The following KIAA1958 variants were observed in gnomAD, a reference collection of about 807,000 sequenced individuals.
The protein encoded by KIAA1958 is uncharacterized protein KIAA1958.
KIAA1958 carries 14 observed loss-of-function variants against 47.2 expected under a neutral mutation model. The observed-to-expected ratio is 0.30, with a 90% CI of 0.20 to 0.46. The LOEUF (loss-of-function observed/expected upper bound fraction) is 0.46. KIAA1958 is among the 20% of genes least tolerant of loss of function. KIAA1958 has a pLI of 1.00. For synonymous variants in KIAA1958, 354 were observed against 353.3 expected (o/e 1.00, Z -0.02); for missense variants, 803 against 909.2 (o/e 0.88, Z 1.50).
At chr9:112,604,158 A>G (rs1474916950) in intron 2 of KIAA1958, among the ~76,000 whole-genome samples, 2 of 152,236 alleles carry the variant, frequency 1.3e-5, no homozygotes, top group Non-Finnish European at 2.9e-5. Flanking sequence ...AAATGAGAAC[A>G]TAAGATACTG....
intron 1 of KIAA1958, among the ~76,000 whole-genome samples, chr9:112,493,858 A>T (rs1353143863): frequency 6.6e-6 from 1 of 152,142 alleles, no homozygotes; most frequent in East Asian, 1.9e-4. Flanking sequence ...CTCTTGCAGG[A>T]GTTGGCAAAC....
Position 112,493,012 on chromosome 9 carries a change from A to G in KIAA1958, c.-25+5894A>G, listed in dbSNP as rs554429201. 4.2e-5 allele frequency among the ~76,000 whole-genome samples: 6 copies of G among 144,364 alleles called. No individual in the cohort carries two copies. In the Admixed American group the frequency reaches 4.5e-4, roughly 11 times the overall value. 94.7% of individuals were successfully genotyped at this position (144,364 alleles called of 152,430 possible). A position where few individuals can be genotyped will look rare whatever the true frequency, so the allele number is the denominator to read the frequency against. ...TGATATCCTCCTATCTGGGCCTCCC[A>G]AAGTGCTGGGATTACAGGCCTGAGC... On this transcript the variant is annotated intron_variant, in intron 1 of 3. Transcript: ENST00000337530.
At chr9:112,565,820 A>C (rs1340763423) in intron 1 of KIAA1958, among the ~76,000 whole-genome samples, 1 of 152,224 alleles carries the variant, frequency 6.6e-6, no homozygotes, top group Non-Finnish European at 1.5e-5. Context: ...TATGGTACTC[A>C]AAGTTTAAGA....
At chr9:112,636,561 C>T (rs1172429373) in intron 2 of KIAA1958, among the ~76,000 whole-genome samples, 3 of 152,062 alleles carry the variant, frequency 2.0e-5, no homozygotes, top group Non-Finnish European at 4.4e-5. Flanking sequence ...GCATTGTTAT[C>T]AGATCCATAC....
chr9:112,524,842 A>T (rs3849134), intron 1 of KIAA1958, among the ~76,000 whole-genome samples: 1 of 152,186 alleles, frequency 6.6e-6, no homozygotes, highest in Non-Finnish European at 1.5e-5. Flanking sequence ...TTGCTGGTTC[A>T]CAGCGCCCTG....
intron 2 of KIAA1958, among the ~76,000 whole-genome samples, chr9:112,610,917 G>T (rs62575196): frequency 6.6e-6 from 1 of 152,008 alleles, no homozygotes; most frequent in South Asian, 2.1e-4. Context: ...ATTCATAACA[G>T]ACATTAAATA....
chr9:112,575,190 T>G lies in KIAA1958; in HGVS notation c.1110T>G (p.Ser370Arg). 6.3e-7 allele frequency: 1 copy of G among 1,588,612 alleles called. No homozygotes were observed. The highest frequency in any genetic ancestry group is 8.5e-7 in the Non-Finnish European group (1 of 1,174,590). Residue 370 changes from serine (S) to arginine (R), a missense_variant, in exon 2 of 4, where the codon AGT (serine) becomes AGG (arginine). Ser to Arg is a moderately radical substitution (Grantham distance 110). This residue lies in a region of KIAA1958 where 761 missense variants were observed against 829.3 expected (regional missense o/e 0.92). Transcript: ENST00000337530. The part of the protein sequence containing the change: ...SVNTEPEVSS[S>R]QQQPPVAPAI... Reference sequence around the variant, plus strand: ...ACACAGAGCCAGAAGTGAGCTCCAGTCAGCAGCAGCCCCCAGTCGCTCCAG... The same window carrying G: ...ACACAGAGCCAGAAGTGAGCTCCAGGCAGCAGCAGCCCCCAGTCGCTCCAG...
chr9:112,578,757 A>G (rs1025576777), intron 2 of KIAA1958, among the ~76,000 whole-genome samples: 2 of 152,164 alleles, frequency 1.3e-5, no homozygotes, highest in African/African-American at 4.8e-5. Flanking sequence ...TATTATTAGA[A>G]GAATTATTGA....
Position 112,618,917 on chromosome 9 carries a change from C to T in KIAA1958, c.1172-26733C>T, listed in dbSNP as rs761322802. On this transcript the variant is annotated intron_variant, in intron 2 of 3. Transcript: ENST00000337530. This position sits in a 1 kb window ranked among gnomAD's most constrained non-coding sequence, Gnocchi z 7.1. ...TGACTCTTCCTCAGACACCGCTTGACCAGGTGGCTTGAGCAAGACTCCAGT... is the reference window on the plus strand; with the variant it reads ...TGACTCTTCCTCAGACACCGCTTGATCAGGTGGCTTGAGCAAGACTCCAGT... The T allele has an allele frequency of 7.9e-6, 12 of 1,522,866 alleles. No individual in the cohort carries two copies. In the South Asian group the frequency reaches 1.4e-4, roughly 17 times the overall value. 94.3% of individuals were successfully genotyped at this position (1,522,866 alleles called of 1,614,324 possible).
At position 112,574,190 on chromosome 9, in the gene KIAA1958, C is replaced by T; in HGVS notation, c.110C>T (p.Ser37Phe). Residue 37 changes from serine (S) to phenylalanine (F), a missense_variant, in exon 2 of 4, where the codon TCT (serine) becomes TTT (phenylalanine). Transcript: ENST00000337530. ...SLIPNLKHLL[S>F]EGSHGNLTAM... is the part of the protein sequence containing the mutation. The stretch of plus-strand genomic sequence containing the variant: ...ATTCCAAACCTGAAACACTTGCTTT[C>T]TGAAGGTTCCCATGGGAACCTGACA... 6.2e-7 allele frequency: 1 copy of T among 1,614,146 alleles called. No individual in the cohort carries two copies. The highest frequency in any genetic ancestry group is 1.3e-5 in the African/African-American group (1 of 75,046).
chr9:112,589,045 G>T (rs772311942), intron 2 of KIAA1958, among the ~76,000 whole-genome samples: 3 of 151,974 alleles, frequency 2.0e-5, no homozygotes, highest in Non-Finnish European at 2.9e-5. Flanking sequence ...CTCCCAGAGC[G>T]CTAGGTTTAC....
intron 1 of KIAA1958, among the ~76,000 whole-genome samples, chr9:112,492,734 G>A (rs1833989697): frequency 6.6e-6 from 1 of 151,914 alleles, no homozygotes; most frequent in African/African-American, 2.4e-5. Flanking sequence ...TATTTTTAAT[G>A]ACTTAAAGTA....
At chr9:112,496,573 C>A (rs1473667232) in intron 1 of KIAA1958, among the ~76,000 whole-genome samples, 1 of 152,122 alleles carries the variant, frequency 6.6e-6, no homozygotes, top group Non-Finnish European at 1.5e-5. Context: ...TATGTTTCAA[C>A]ATAAAGGAAA....
At chr9:112,596,113 G>A (rs1836025635) in intron 2 of KIAA1958, among the ~76,000 whole-genome samples, 1 of 152,080 alleles carries the variant, frequency 6.6e-6, no homozygotes. Context: ...GGAGTATACA[G>A]TAAAAAAAGC....
chr9:112,489,061 C>T (rs1281040381), intron 1 of KIAA1958, among the ~76,000 whole-genome samples: 1 of 152,214 alleles, frequency 6.6e-6, no homozygotes, highest in Non-Finnish European at 1.5e-5. Flanking sequence ...AAGCACAGCT[C>T]AGTATGTGGC....
intron 2 of KIAA1958, among the ~76,000 whole-genome samples, chr9:112,631,157 T>C (rs965785920): frequency 1.3e-5 from 2 of 151,424 alleles, no homozygotes; most frequent in Non-Finnish European, 2.9e-5. Context: ...TGGTGATATA[T>C]CATCTCAAAA....
intron 2 of KIAA1958, among the ~76,000 whole-genome samples, chr9:112,628,686 A>T (rs894901535): frequency 1.3e-5 from 2 of 152,170 alleles, no homozygotes; most frequent in African/African-American, 4.8e-5. Flanking sequence ...CTGCTCTTGG[A>T]TTTATTTCCC....
intron 1 of KIAA1958, among the ~76,000 whole-genome samples, chr9:112,512,645 A>G (rs4979126): frequency 0.96 from 145,210 of 151,542 alleles, 69,646 homozygotes; most frequent in African/African-American, 0.99. Flanking sequence ...TAAGTCAGGC[A>G]ATAGACTGAA....
chr9:112,570,729 T>A (rs1207482679), intron 1 of KIAA1958, among the ~76,000 whole-genome samples: 1 of 152,178 alleles, frequency 6.6e-6, no homozygotes, highest in East Asian at 1.9e-4. Flanking sequence ...ACTAATAGAA[T>A]ATGCATATAT....
Sources: allele counts gnomAD v4.1 joint callset (sites outside exome capture counted in the v4.1 genomes callset), GRCh38; gene constraint gnomAD v4.1.1; regional missense constraint gnomAD v4.1.1; non-coding constraint Gnocchi (gnomAD v3.1); transcripts MANE v1.5; gene names NCBI Gene and HGNC (gene_info 2026-07-23, HGNC 2026-07-21).